Variants in TRIM66 observed in about 807,000 individuals in gnomAD.
The protein encoded by TRIM66 is tripartite motif-containing protein 66.
Under a neutral mutation model 148.2 loss-of-function variants are expected in TRIM66, and 99 were observed. That is an observed-to-expected ratio of 0.67 (90% CI 0.57 to 0.79). The LOEUF (loss-of-function observed/expected upper bound fraction) is 0.79. TRIM66 is among the 30% of genes least tolerant of loss of function. TRIM66 has a pLI of 0.00. For missense variants in TRIM66, 1,666 were observed against 1,697.9 expected (o/e 0.98, Z 0.33); for synonymous variants, 616 against 635.9 (o/e 0.97, Z 0.47).
At chr11:8,647,593 G>C (rs1465670470) in intron 10 of TRIM66, among the ~76,000 whole-genome samples, 1 of 152,174 alleles carries the variant, frequency 6.6e-6, no homozygotes, top group Non-Finnish European at 1.5e-5. Flanking sequence ...AACACACAGG[G>C]AAAGGGGTGA....
At chr11:8,670,570 G>C (rs2038877023) in intron 6 of TRIM66, among the ~76,000 whole-genome samples, 2 of 152,090 alleles carry the variant, frequency 1.3e-5, no homozygotes, top group Admixed American at 6.5e-5. Flanking sequence ...TAGATAATTG[G>C]AGTACTTACA....
At chr11:8,618,050 T>C (rs2033839544) in intron 24 of TRIM66, 47 bp from the exon 25 acceptor site, 1 of 1,516,862 alleles carries the variant, frequency 6.6e-7, no homozygotes, top group Admixed American at 2.0e-5. Flanking sequence ...AAATGTAGGA[T>C]TTATTAACAT....
At chr11:8,673,402 T>C (rs2039036436) in intron 4 of TRIM66, among the ~76,000 whole-genome samples, 1 of 152,128 alleles carries the variant, frequency 6.6e-6, no homozygotes, top group African/African-American at 2.4e-5. Flanking sequence ...GTGTTAAGAG[T>C]CTAGGATTTA....
In TRIM66 at chr11:8,651,601, C is replaced by G. The variant is rs573865553; in HGVS notation, c.444+199G>C. ...CACAAAAAAAAGTCAATAATTTTCACTTAATAGAAAACCCCCTCATTGTTT... is the reference window on the plus strand; with the variant it reads ...CACAAAAAAAAGTCAATAATTTTCAGTTAATAGAAAACCCCCTCATTGTTT... On this transcript the variant is annotated intron_variant, in intron 7 of 24. Transcript: ENST00000646038. 1.8e-3 allele frequency among the ~76,000 whole-genome samples: 276 copies of G among 152,256 alleles called. 2 individuals are homozygous for G. The highest frequency in any genetic ancestry group is 6.5e-3 in the African/African-American group (270 of 41,538).
chr11:8,618,342 C>G (rs2033868990), intron 24 of TRIM66, among the ~76,000 whole-genome samples: 1 of 152,216 alleles, frequency 6.6e-6, no homozygotes, highest in Non-Finnish European at 1.5e-5. Flanking sequence ...CTTACCTACA[C>G]CAAGGGGCTA....
intron 6 of TRIM66, among the ~76,000 whole-genome samples, chr11:8,668,178 G>A (rs1372691409): frequency 1.3e-5 from 2 of 152,126 alleles, no homozygotes; most frequent in African/African-American, 2.4e-5. Flanking sequence ...TAGTGATGTT[G>A]AGCATTTTTT....
intron 18 of TRIM66, among the ~76,000 whole-genome samples, chr11:8,622,365 C>CACACACACACACACACACATATATAT: frequency 2.9e-4 from 17 of 59,600 alleles, no homozygotes; most frequent in African/African-American, 6.8e-4. Context: ...CACACACACA[C>CACACACACACACACACACATATATAT]ATATATATAT....
intron 15 of TRIM66, among the ~76,000 whole-genome samples, chr11:8,637,176 A>G (rs2035951575): frequency 6.6e-6 from 1 of 152,056 alleles, no homozygotes; most frequent in African/African-American, 2.4e-5. Context: ...CTTTACCACA[A>G]TTTATTATTG....
intron 15 of TRIM66, among the ~76,000 whole-genome samples, chr11:8,625,837 A>C (rs1174499454): frequency 1.3e-5 from 2 of 152,206 alleles, no homozygotes; most frequent in African/African-American, 2.4e-5. Context: ...GGTCAACTGC[A>C]GGGCCTTCTT....
chr11:8,682,990 GT>G, upstream of TRIM66: 1 of 947,968 alleles, frequency 1.1e-6, no homozygotes. Flanking sequence ...GGAGCCGTGT[GT>G]TAGGCCCGCG....
chr11:8,632,921 T>C (rs989634608), intron 15 of TRIM66, among the ~76,000 whole-genome samples: 2 of 151,918 alleles, frequency 1.3e-5, no homozygotes, highest in Non-Finnish European at 2.9e-5. Context: ...GGTTCATGGG[T>C]GGTGAAGGGA....
In TRIM66 at chr11:8,662,490, G is replaced by A. The variant is rs147319775; in HGVS notation, c.340+9296C>T. Among the ~76,000 whole-genome samples, 443 of 152,242 alleles carry A rather than the reference G, an allele frequency of 2.9e-3. 2 individuals are homozygous for A. Among genetic ancestry groups the A allele is most frequent in the Middle Eastern group, 0.017 (5 of 294 alleles). On this transcript the variant is annotated intron_variant, in intron 6 of 24. Transcript: ENST00000646038. ...TCGGGGATGCTGTCACTCTTCACTA[G>A]CTTCAAGAAGCATCGGGCTATGGTA...
rs527879430 is a variant in TRIM66 at position 8,616,545 on chromosome 11, G to A, written c.*1399C>T. On this transcript the variant is annotated 3_prime_UTR_variant, in exon 25 of 25. Transcript: ENST00000646038. ...CAACCAAGCCCTTGCTTGGGAGGTA[G>A]CCTGACCTCCAGTATCCTCACAAAC... is the stretch of plus-strand genomic sequence containing the variant. 2.0e-5 allele frequency: 3 copies of A among 152,308 alleles called. No individual in the cohort carries two copies. Among genetic ancestry groups the A allele is most frequent in the Admixed American group, 6.5e-5 (1 of 15,296 alleles). The allele number at this position is 152,308 out of a possible 1,614,324, so 9.4% of individuals were successfully genotyped here.
At position 8,671,919 on chromosome 11, in the gene TRIM66, T is replaced by G. The variant is rs748681376; in HGVS notation, c.207A>C (p.Ser69=). ...GQMEAMVMTC[S]LCHQDLPGMG... ...TACCTGGCAGGTCCTGATGGCACAA[T>G]GAGCAGGTCATTACCATGGCCTCCA... The change falls in exon 6 of 25, where the codon TCA becomes TCC. Residue 69 remains serine (S), a synonymous_variant. Transcript: ENST00000646038. 2.6e-6 allele frequency: 4 copies of G among 1,536,142 alleles called. No individual in the cohort carries two copies. Among genetic ancestry groups the G allele is most frequent in the Non-Finnish European group, 2.6e-6 (3 of 1,146,908 alleles).
chr11:8,680,800 A>G (rs2039377542), intron 1 of TRIM66: 1 of 152,296 alleles, frequency 6.6e-6, no homozygotes, highest in African/African-American at 2.4e-5. Context: ...AGGCTGAGGA[A>G]CATCAACATT....
intron 15 of TRIM66, among the ~76,000 whole-genome samples, chr11:8,637,697 A>G (rs2036008302): frequency 6.6e-6 from 1 of 152,218 alleles, no homozygotes. Context: ...GCAGGGCCAG[A>G]GGGATGCTAC....
rs77813967 is a variant in TRIM66 at position 8,612,081 on chromosome 11, A to T, written c.*5863T>A. The stretch of plus-strand genomic sequence containing the variant: ...CTGTTTTTTATTTGTTCTTGAATGT[A>T]TAGGTTCTTTTAAAATCAGCTATAC... On this transcript the variant is annotated 3_prime_UTR_variant, in exon 25 of 25. Coordinates refer to ENST00000646038, the MANE Select transcript of TRIM66 (RefSeq NM_001388022.1). 1 of 152,162 alleles carries T rather than the reference A, an allele frequency of 6.6e-6. No individual in the cohort carries two copies. The highest frequency in any genetic ancestry group is 1.5e-5 in the Non-Finnish European group (1 of 68,016). The allele number at this position is 152,162 out of a possible 1,614,324, so 9.4% of individuals were successfully genotyped here.
Position 8,624,814 on chromosome 11 carries a change from T to A in TRIM66, c.2725A>T (p.Met909Leu). The change falls in exon 16 of 25, where the codon ATG becomes TTG. Residue 909 changes from methionine to leucine, a missense_variant. Met to Leu is a conservative substitution (Grantham distance 15, BLOSUM62 2). This residue lies in a region of TRIM66 where 1,431 missense variants were observed against 1,412.4 expected (regional missense o/e 1.01). Transcript: ENST00000646038. ...GAGCTGGACCCAGTTTCTGGCTGCA[T>A]GTCAGAAACTGGAGGGATGCTCTGC... ...PLQSIPPVSD[M>L]QPETGSSSSS... is the part of the protein sequence containing the mutation. 1.3e-6 allele frequency: 2 copies of A among 1,551,664 alleles called. No individual in the cohort carries two copies. Among genetic ancestry groups the A allele is most frequent in the Non-Finnish European group, 1.7e-6 (2 of 1,146,980 alleles).
chr11:8,658,552 G>A (rs1204779431), intron 6 of TRIM66, among the ~76,000 whole-genome samples: 2 of 152,184 alleles, frequency 1.3e-5, no homozygotes, highest in African/African-American at 4.8e-5. Context: ...GTGAGTAGCT[G>A]CAGGACCCTG....
Sources: allele counts gnomAD v4.1 joint callset (sites outside exome capture counted in the v4.1 genomes callset), GRCh38; gene constraint gnomAD v4.1.1; regional missense constraint gnomAD v4.1.1; transcripts MANE v1.5; gene names NCBI Gene and HGNC (gene_info 2026-07-23, HGNC 2026-07-21).